The following SCEL variants were observed in gnomAD, a reference collection of about 807,000 sequenced individuals.
SCEL encodes sciellin.
In SCEL, 113 loss-of-function variants were observed where a neutral mutation model predicts 117.6. The ratio of observed to expected loss-of-function variants is 0.96; its 90% confidence interval spans 0.83 to 1.12. The LOEUF (loss-of-function observed/expected upper bound fraction) is 1.12, where lower values mean the gene tolerates loss of function less well. Ranked by LOEUF, SCEL falls within the 50% of genes most tolerant of loss-of-function variation. The pLI is 0.00. For missense variants in SCEL, 785 were observed against 810.8 expected (o/e 0.97, Z 0.39); for synonymous variants, 270 against 256.2 (o/e 1.05, Z -0.51).
At chr13:77,577,595 T>G (rs2086021841) in intron 9 of SCEL, among the ~76,000 whole-genome samples, 1 of 152,272 alleles carries the variant, frequency 6.6e-6, no homozygotes, top group East Asian at 1.9e-4. Flanking sequence ...TCACCAGGTT[T>G]TGATCTGATT....
Position 77,593,497 on chromosome 13 carries a change from T to G in SCEL, c.693-17T>G. The G allele has an allele frequency of 6.2e-7, 1 of 1,602,254 alleles. No individual in the cohort carries two copies. Among genetic ancestry groups the G allele is most frequent in the Non-Finnish European group, 8.5e-7 (1 of 1,170,976 alleles). On this transcript the variant is annotated splice_polypyrimidine_tract_variant and intron_variant, in intron 11 of 32. Coordinates refer to ENST00000349847, the MANE Select transcript of SCEL (RefSeq NM_144777.3). ...CTCGACTATCATTGACCTGTATTTA[T>G]TTTTCATTGTTTGAAGGAGTCAGGA...
intron 24 of SCEL, among the ~76,000 whole-genome samples, chr13:77,617,193 T>G (rs2089117474): frequency 6.6e-6 from 1 of 152,140 alleles, no homozygotes; most frequent in African/African-American, 2.4e-5. Context: ...TTTGCTAAGC[T>G]TTATATGAAG....
In SCEL at chr13:77,634,427, CACAAGG is replaced by C; in HGVS notation, c.1744_1749del (p.Arg582_Thr583del). On this transcript the variant is annotated inframe_deletion, in exon 29 of 33. Transcript: ENST00000349847. Reference sequence around the variant, plus strand: ...CAGGACCACAGGATACTGTTGTGTACACAAGGACATATGTGGAGAATAGGTATTCAA... The same window carrying C: ...CAGGACCACAGGATACTGTTGTGTACACATATGTGGAGAATAGGTATTCAA... The C allele has an allele frequency of 6.2e-7, 1 of 1,612,794 alleles. No individual in the cohort carries two copies. Among genetic ancestry groups the C allele is most frequent in the Non-Finnish European group, 8.5e-7 (1 of 1,179,070 alleles).
Position 77,611,009 on chromosome 13 carries a change from A to G in SCEL, c.1337+903A>G, listed in dbSNP as rs908858721. On this transcript the variant is annotated intron_variant, in intron 22 of 32. Coordinates refer to ENST00000349847, the MANE Select transcript of SCEL (RefSeq NM_144777.3). ...AGTTAGATGTAAAAGATACCAAGAT[A>G]TATATCTTCTCTCAGCAGATTTCCT... Among the ~76,000 whole-genome samples the G allele has an allele frequency of 4.6e-5, 7 of 152,208 alleles. No individual in the cohort carries two copies. The East Asian group carries it at 1.3e-3, about 29-fold the overall frequency.
chr13:77,562,819 A>C (rs899056566), intron 4 of SCEL, among the ~76,000 whole-genome samples: 1 of 152,246 alleles, frequency 6.6e-6, no homozygotes, highest in African/African-American at 2.4e-5. Context: ...GAGTACATCC[A>C]AATAGTTGCT....
At chr13:77,553,472 G>C (rs2084466899) in intron 1 of SCEL, among the ~76,000 whole-genome samples, 1 of 152,074 alleles carries the variant, frequency 6.6e-6, no homozygotes, top group Non-Finnish European at 1.5e-5. Context: ...TTAGAAACAG[G>C]AAAGAGGCTA....
At chr13:77,611,150 G>C (rs1461191009) in intron 22 of SCEL, among the ~76,000 whole-genome samples, 2 of 152,158 alleles carry the variant, frequency 1.3e-5, no homozygotes, top group Non-Finnish European at 2.9e-5. Flanking sequence ...ATAGTAAATA[G>C]TTCTGGTTTC....
At chr13:77,546,705 A>G (rs1449437053) in intron 1 of SCEL, among the ~76,000 whole-genome samples, 1 of 152,138 alleles carries the variant, frequency 6.6e-6, no homozygotes, top group Non-Finnish European at 1.5e-5. Flanking sequence ...AAGGAAAAGA[A>G]ATCTCTTAAA....
At position 77,541,042 on chromosome 13, in the gene SCEL, G is replaced by A. The variant is rs552583384; in HGVS notation, c.-20+5218G>A. Reference sequence around the variant, plus strand: ...AGAAGATTGATGGATGGTCTACAAAGATGGCTTTTAAAGAGTGAAAGTGGA... The same window carrying A: ...AGAAGATTGATGGATGGTCTACAAAAATGGCTTTTAAAGAGTGAAAGTGGA... On this transcript the variant is annotated intron_variant, in intron 1 of 32. Transcript: ENST00000349847. Among the ~76,000 whole-genome samples the A allele has an allele frequency of 2.0e-5, 3 of 152,328 alleles. No homozygotes were observed. The East Asian group carries it at 5.8e-4, about 29-fold the overall frequency.
chr13:77,629,123 G>A (rs917621117), intron 28 of SCEL, among the ~76,000 whole-genome samples: 2 of 152,148 alleles, frequency 1.3e-5, no homozygotes, highest in Admixed American at 6.6e-5. Flanking sequence ...TCATGAAATG[G>A]GATTAATGAG....
At chr13:77,574,353 G>A (rs1242425109) in intron 9 of SCEL, among the ~76,000 whole-genome samples, 2 of 152,104 alleles carry the variant, frequency 1.3e-5, no homozygotes, top group African/African-American at 4.8e-5. Context: ...TCTGATTCTT[G>A]GCTCAGATCC....
intron 14 of SCEL, 114 bp downstream of exon 14, chr13:77,599,502 A>G: frequency 1.1e-6 from 1 of 931,860 alleles, no homozygotes; most frequent in Non-Finnish European, 1.7e-6. Context: ...GTACTGGCAG[A>G]TGGGGTAGTG....
At chr13:77,542,042 T>C (rs998499865) in intron 1 of SCEL, among the ~76,000 whole-genome samples, 3 of 152,226 alleles carry the variant, frequency 2.0e-5, no homozygotes, top group Non-Finnish European at 4.4e-5. Flanking sequence ...AGACCAGTGT[T>C]TTTTGTAAAA....
At chr13:77,629,903 G>A (rs912059486) in intron 28 of SCEL, among the ~76,000 whole-genome samples, 1 of 152,114 alleles carries the variant, frequency 6.6e-6, no homozygotes, top group African/African-American at 2.4e-5. Context: ...CTTCCTTCTG[G>A]GCATGGGGCA....
At chr13:77,631,070 C>T (rs1298519887) in intron 28 of SCEL, among the ~76,000 whole-genome samples, 3 of 152,120 alleles carry the variant, frequency 2.0e-5, no homozygotes, top group Admixed American at 1.3e-4. Context: ...TTCCCAACCT[C>T]TAAGGCAGTG....
In SCEL at chr13:77,608,056, G is replaced by C. The variant is rs2088350961; in HGVS notation, c.1158G>C (p.Arg386Ser). The change falls in exon 20 of 33, where the codon AGG becomes AGC. Residue 386 changes from arginine to serine, a missense_variant and splice_region_variant. Arg to Ser is a moderately radical substitution (Grantham distance 110, BLOSUM62 -1). Coordinates refer to ENST00000349847, the MANE Select transcript of SCEL (RefSeq NM_144777.3). ...VDPETNKNITRGQSLDNLIKV... is the reference protein window; with the variant it reads ...VDPETNKNITSGQSLDNLIKV... Reference sequence around the variant, plus strand: ...TAACCATTTCTTCAATGTTTTAAAGGGGCCAGAGCCTTGATAATCTCATCA... The same window carrying C: ...TAACCATTTCTTCAATGTTTTAAAGCGGCCAGAGCCTTGATAATCTCATCA... 2 of 1,610,736 alleles carry C rather than the reference G, an allele frequency of 1.2e-6. No individual in the cohort carries two copies. The highest frequency in any genetic ancestry group is 2.2e-5 in the South Asian group (2 of 90,530).
chr13:77,563,464 T>C (rs563984086), intron 4 of SCEL, among the ~76,000 whole-genome samples: 2 of 152,318 alleles, frequency 1.3e-5, no homozygotes, highest in East Asian at 3.9e-4. Flanking sequence ...AAAGATTGAG[T>C]TCCTATTATG....
chr13:77,552,825 T>G (rs998133823), intron 1 of SCEL, among the ~76,000 whole-genome samples: 1 of 152,236 alleles, frequency 6.6e-6, no homozygotes, highest in Non-Finnish European at 1.5e-5. Flanking sequence ...TTTATGGTTT[T>G]GGGTGTAATG....
chr13:77,581,051 C>T (rs930497364), intron 9 of SCEL, among the ~76,000 whole-genome samples: 4 of 152,132 alleles, frequency 2.6e-5, no homozygotes, highest in Non-Finnish European at 5.9e-5. Context: ...ACATTTTTAA[C>T]TCTATTGGTA....
Sources: gnomAD v4.1 joint callset for allele counts (sites outside exome capture counted in the v4.1 genomes callset) on GRCh38, gnomAD v4.1.1 for gene constraint, MANE v1.5 for transcripts, NCBI Gene and HGNC (gene_info 2026-07-23, HGNC 2026-07-21) for gene names.